Variants in PLPP3 observed in about 807,000 individuals in gnomAD.
PLPP3 encodes the protein phospholipid phosphatase 3.
In PLPP3, 6 loss-of-function variants were observed where a neutral mutation model predicts 29.6. The observed-to-expected ratio is 0.20, with a 90% CI of 0.11 to 0.40. PLPP3 has a LOEUF of 0.40. PLPP3 is among the 10% of genes least tolerant of loss of function. PLPP3 has a pLI of 1.00. For synonymous variants in PLPP3, 152 were observed against 159.7 expected, an observed-to-expected ratio of 0.95 and a Z score of 0.36; for missense variants, 308 against 407.7, an observed-to-expected ratio of 0.76 and a Z score of 2.11.
At chr1:56,576,774 T>C (rs1428371177) in intron 1 of PLPP3, among the ~76,000 whole-genome samples, 3 of 152,012 alleles carry the variant, frequency 2.0e-5, no homozygotes, top group East Asian at 3.9e-4. Context: ...CGGGGGATAG[T>C]GGGGAAATGA....
chr1:56,557,026 A>AGAGAAAGAAAGAG lies in PLPP3; in HGVS notation c.140-19915_140-19914insCTCTTTCTTTCTC, dbSNP rs1646085318. Among the ~76,000 whole-genome samples, 12 of 9,524 alleles carry AGAGAAAGAAAGAG rather than the reference A, an allele frequency of 1.3e-3. 3 individuals are homozygous for AGAGAAAGAAAGAG. Among genetic ancestry groups the AGAGAAAGAAAGAG allele is most frequent in the East Asian group, 5.9e-3 (3 of 510 alleles). 6.2% of individuals were successfully genotyped at this position (9,524 alleles called of 152,430 possible). A position where few individuals can be genotyped will look rare whatever the true frequency, so the allele number is the denominator to read the frequency against. ...AGAAAGAAAGAGAGAGAGAGAGAGA[A>AGAGAAAGAAAGAG]AGAGAGAGAGAGAGAGAGAGAGAGA... On this transcript the variant is annotated intron_variant, in intron 1 of 5. Coordinates refer to ENST00000371250, the MANE Select transcript of PLPP3 (RefSeq NM_003713.5).
rs552831701 is a variant in PLPP3, at chr1:56,512,381, G to A, written c.634-229C>T. 6 of 447,128 alleles carry A rather than the reference G, an allele frequency of 1.3e-5. No individual in the cohort carries two copies. In the South Asian group the frequency reaches 1.5e-4, roughly 11 times the overall value. 27.7% of individuals were successfully genotyped at this position (447,128 alleles called of 1,614,324 possible). On this transcript the variant is annotated intron_variant, in intron 4 of 5. Coordinates refer to ENST00000371250, the MANE Select transcript of PLPP3 (RefSeq NM_003713.5). ...AATCCCAGCACTTCGTGTGGCTGAG[G>A]TGGGCAGATCACCTGAGGTCAGGTG... is the stretch of plus-strand genomic sequence containing the variant.
At chr1:56,518,715 T>TATATATATA (rs1645798825) in intron 4 of PLPP3, among the ~76,000 whole-genome samples, 5 of 126,690 alleles carry the variant, frequency 3.9e-5, no homozygotes, top group African/African-American at 1.4e-4. Flanking sequence ...TTTTAATCAT[T>TATATATATA]TATATATATA....
chr1:56,528,087 G>A lies in PLPP3; in HGVS notation c.298-3533C>T, dbSNP rs570515639. Among the ~76,000 whole-genome samples, 14 of 152,236 alleles carry A rather than the reference G, an allele frequency of 9.2e-5. No individual in the cohort carries two copies. The East Asian group carries it at 2.5e-3, about 27-fold the overall frequency. On this transcript the variant is annotated intron_variant, in intron 2 of 5. Transcript: ENST00000371250. ...CACTGCTGAGAAAAATGCCTTCAAT[G>A]TTGATCCCTTTCTGAAACAGCAAGC...
chr1:56,499,707 A>G (rs1218647225), intron 5 of PLPP3, among the ~76,000 whole-genome samples: 2 of 152,226 alleles, frequency 1.3e-5, no homozygotes, highest in East Asian at 3.8e-4. Context: ...TTACACAAAC[A>G]CTTTTTTTTG....
At chr1:56,574,730 C>T (rs1056068186) in intron 1 of PLPP3, among the ~76,000 whole-genome samples, 1 of 152,164 alleles carries the variant, frequency 6.6e-6, no homozygotes, top group African/African-American at 2.4e-5. Context: ...GCTTACCTCC[C>T]CTCCAGAATT....
chr1:56,576,993 T>A (rs1646241207), intron 1 of PLPP3, among the ~76,000 whole-genome samples: 1 of 152,054 alleles, frequency 6.6e-6, no homozygotes, highest in African/African-American at 2.4e-5. Context: ...ATCACAAGGG[T>A]GGAAAGGAAA....
At chr1:56,538,263 G>A (rs991112460) in intron 1 of PLPP3, among the ~76,000 whole-genome samples, 2 of 152,168 alleles carry the variant, frequency 1.3e-5, no homozygotes, top group Non-Finnish European at 2.9e-5. Context: ...CACAGAGACT[G>A]TGGATTCATG....
chr1:56,520,224 C>T (rs1359591552), intron 4 of PLPP3, among the ~76,000 whole-genome samples: 2 of 152,152 alleles, frequency 1.3e-5, no homozygotes, highest in East Asian at 3.9e-4. Context: ...TATGCTGAGG[C>T]TCTAAAGCTA....
At chr1:56,578,434 G>C (rs1569623132) in intron 1 of PLPP3, among the ~76,000 whole-genome samples, 1 of 152,132 alleles carries the variant, frequency 6.6e-6, no homozygotes, top group African/African-American at 2.4e-5. Flanking sequence ...TACAGCCGCC[G>C]GGAAGGCAGC....
chr1:56,575,249 TG>T (rs1265127956), intron 1 of PLPP3, among the ~76,000 whole-genome samples: 23 of 152,224 alleles, frequency 1.5e-4, no homozygotes. Flanking sequence ...AACTCGATAG[TG>T]GCACTGGCCA....
chr1:56,514,292 C>T (rs1645766528), intron 4 of PLPP3, among the ~76,000 whole-genome samples: 2 of 151,028 alleles, frequency 1.3e-5, no homozygotes, highest in Non-Finnish European at 1.5e-5. Flanking sequence ...TGAGTATTTG[C>T]TGGGTTTAAG....
chr1:56,554,061 C>A lies in PLPP3; in HGVS notation c.140-16949G>T, dbSNP rs560331835. Among the ~76,000 whole-genome samples, 133 of 146,914 alleles carry A rather than the reference C, an allele frequency of 9.1e-4. 1 individual carries two copies. The highest frequency in any genetic ancestry group is 2.9e-3 in the African/African-American group (114 of 38,782). The stretch of plus-strand genomic sequence containing the variant: ...CATCAAGCCTTTGGCTTTTCCCCCC[C>A]ACTTTGGCTTTTTTTTTAATGAGAC... On this transcript the variant is annotated intron_variant, in intron 1 of 5. Coordinates refer to ENST00000371250, the MANE Select transcript of PLPP3 (RefSeq NM_003713.5).
intron 4 of PLPP3, among the ~76,000 whole-genome samples, chr1:56,519,157 C>T (rs984834576): frequency 6.6e-6 from 1 of 152,126 alleles, no homozygotes; most frequent in African/African-American, 2.4e-5. Flanking sequence ...AGCGTGCCCT[C>T]CATTCCCTGG....
intron 2 of PLPP3, among the ~76,000 whole-genome samples, chr1:56,528,094 C>T (rs1376598228): frequency 1.3e-5 from 2 of 152,126 alleles, no homozygotes; most frequent in African/African-American, 4.8e-5. Flanking sequence ...AATGTTGATC[C>T]CTTTCTGAAA....
intron 5 of PLPP3, among the ~76,000 whole-genome samples, chr1:56,505,995 T>C (rs1253667528): frequency 2.6e-5 from 4 of 151,994 alleles, no homozygotes; most frequent in Non-Finnish European, 5.9e-5. Flanking sequence ...TGCCTAAGAG[T>C]GGGGGCCAGC....
At chr1:56,521,674 T>G (rs1645820575) in intron 4 of PLPP3, among the ~76,000 whole-genome samples, 1 of 151,740 alleles carries the variant, frequency 6.6e-6, no homozygotes, top group African/African-American at 2.4e-5. Context: ...AGTGCCGAGA[T>G]TACAGGTATA....
In PLPP3 at chr1:56,496,643, T is replaced by C; in HGVS notation, c.844A>G (p.Thr282Ala). 1 of 1,613,794 alleles carries C rather than the reference T, an allele frequency of 6.2e-7. No individual in the cohort carries two copies. Among genetic ancestry groups the C allele is most frequent in the Non-Finnish European group, 8.5e-7 (1 of 1,179,862 alleles). Residue 282 changes from threonine (T) to alanine (A), a missense_variant, in exon 6 of 6, where the codon ACG (threonine) becomes GCG (alanine). By Grantham distance (58) the Thr-to-Ala change is moderately conservative (BLOSUM62 0). Transcript: ENST00000371250. Reference sequence around the variant, plus strand: ...GCAGGGGCAGGCAGGGAGAGCGTCGTCTTAGTCTTGAAGAGGTCAGACACG... The same window carrying C: ...GCAGGGGCAGGCAGGGAGAGCGTCGCCTTAGTCTTGAAGAGGTCAGACACG... ...FFVSDLFKTK[T>A]TLSLPAPAIR... is the part of the protein sequence containing the mutation.
chr1:56,528,108 C>A (rs980109820), intron 2 of PLPP3, among the ~76,000 whole-genome samples: 2 of 152,162 alleles, frequency 1.3e-5, no homozygotes, highest in Admixed American at 6.5e-5. Flanking sequence ...TCTGAAACAG[C>A]AAGCAACAGA....
Sources: gnomAD v4.1 joint callset for allele counts (sites outside exome capture counted in the v4.1 genomes callset) on GRCh38, gnomAD v4.1.1 for gene constraint, MANE v1.5 for transcripts, NCBI Gene and HGNC (gene_info 2026-07-23, HGNC 2026-07-21) for gene names.